ZNF583: variants seen among roughly 807,000 people sequenced by gnomAD.
ZNF583 encodes zinc finger protein 583.
In ZNF583, 30 loss-of-function variants were observed where a neutral mutation model predicts 55.3. The observed-to-expected ratio is 0.54, with a 90% CI of 0.41 to 0.74. The LOEUF is 0.74. ZNF583 is among the 30% of genes least tolerant of loss of function. ZNF583 has a pLI of 0.00. For synonymous variants in ZNF583, 208 were observed against 220.0 expected (o/e 0.95, Z 0.48); for missense variants, 504 against 664.7 (o/e 0.76, Z 2.66).
chr19:56,423,276 T>C lies in ZNF583; in HGVS notation c.618T>C (p.Tyr206=), dbSNP rs928799137. 6.2e-7 allele frequency: 1 copy of C among 1,609,304 alleles called. No individual in the cohort carries two copies. The highest frequency in any genetic ancestry group is 1.3e-5 in the African/African-American group (1 of 74,330). ...TTGAAATGAAACATAGGAAAGTCTATGTAGAAAAGAAACTTTTGAAATGTA... is the reference window on the plus strand; with the variant it reads ...TTGAAATGAAACATAGGAAAGTCTACGTAGAAAAGAAACTTTTGAAATGTA... ...KSVEMKHRKV[Y]VEKKLLKCND... is the part of the protein sequence containing the mutation. The change falls in exon 5 of 5, where the codon TAT becomes TAC. Residue 206 remains tyrosine (Y), a synonymous_variant. Transcript: ENST00000333201.
chr19:56,406,889 T>C (rs2042162513), intron 1 of ZNF583, 137 bp from the exon 2 acceptor site: 1 of 496,872 alleles, frequency 2.0e-6, no homozygotes, highest in Middle Eastern at 5.2e-4. Flanking sequence ...TAGATATAAA[T>C]GAATTGCTCA....
intron 2 of ZNF583, among the ~76,000 whole-genome samples, chr19:56,412,264 A>G (rs898130331): frequency 2.6e-5 from 4 of 152,248 alleles, no homozygotes; most frequent in African/African-American, 9.6e-5. Context: ...GCTCTGTGAC[A>G]TGTCAAAACC....
In ZNF583 at chr19:56,423,630, C is replaced by T. The variant is rs761741795; in HGVS notation, c.972C>T (p.Phe324=). The change falls in exon 5 of 5, where the codon TTC becomes TTT. Residue 324 remains phenylalanine (F), a synonymous_variant. Transcript: ENST00000333201. The part of the protein sequence containing the change: ...HQRVHTGERP[F]ECIECGKAFS... ...GAGTTCATACTGGAGAGAGACCTTTCGAATGTATTGAATGTGGAAAGGCCT... is the reference window on the plus strand; with the variant it reads ...GAGTTCATACTGGAGAGAGACCTTTTGAATGTATTGAATGTGGAAAGGCCT... 3.5e-5 allele frequency: 56 copies of T among 1,612,210 alleles called. 2 individuals carry two copies. Among genetic ancestry groups the T allele is most frequent in the South Asian group, 2.3e-4 (21 of 90,958 alleles).
In ZNF583 at chr19:56,424,876, A is replaced by C. The variant is rs2147620896; in HGVS notation, c.*508A>C. 6.5e-6 allele frequency: 1 copy of C among 154,504 alleles called. No homozygotes were observed. Among genetic ancestry groups the C allele is most frequent in the South Asian group, 2.0e-4 (1 of 4,944 alleles). 9.6% of individuals were successfully genotyped at this position (154,504 alleles called of 1,614,324 possible). On this transcript the variant is annotated 3_prime_UTR_variant, in exon 5 of 5. Coordinates refer to ENST00000333201, the MANE Select transcript of ZNF583 (RefSeq NM_152478.3). Reference sequence around the variant, plus strand: ...TGGTTCTACCTCAGAAGTTAATAGAAGAATGAAATAATGCATGTAAATTGC... The same window carrying C: ...TGGTTCTACCTCAGAAGTTAATAGACGAATGAAATAATGCATGTAAATTGC...
chr19:56,404,345 C>G lies in ZNF583; in HGVS notation c.-197C>G, dbSNP rs1050432707. On this transcript the variant is annotated 5_prime_UTR_variant, in exon 1 of 5. Coordinates refer to ENST00000333201, the MANE Select transcript of ZNF583 (RefSeq NM_152478.3). The surrounding 1 kb of genome is among the most constrained non-coding windows in gnomAD (Gnocchi z 5.2). ...GCGGCCTGCCCTAGGGCTGCGGCGC[C>G]TTTGTGAGCGCGGCCGCCGGCCAGG... is the stretch of plus-strand genomic sequence containing the variant. 6.6e-6 allele frequency: 1 copy of G among 152,514 alleles called. No individual in the cohort carries two copies. The highest frequency in any genetic ancestry group is 1.9e-4 in the East Asian group (1 of 5,172). The allele number at this position is 152,514 out of a possible 1,614,324, so 9.4% of individuals were successfully genotyped here. A position where few individuals can be genotyped will look rare whatever the true frequency, so the allele number is the denominator to read the frequency against.
At position 56,426,302 on chromosome 19, in the gene ZNF583, T is replaced by A. The variant is rs2042492003; in HGVS notation, c.*1934T>A. The A allele has an allele frequency of 3.3e-5, 5 of 152,176 alleles. 1 individual carries two copies. In the South Asian group the frequency reaches 8.3e-4, roughly 25 times the overall value. 9.4% of individuals were successfully genotyped at this position (152,176 alleles called of 1,614,324 possible). ...TCCATATGTGAAAGTTACTTTCAAG[T>A]GCTTTATCTAAATGTGGAACAAACA... On this transcript the variant is annotated 3_prime_UTR_variant, in exon 5 of 5. Coordinates refer to ENST00000333201, the MANE Select transcript of ZNF583 (RefSeq NM_152478.3).
intron 4 of ZNF583, among the ~76,000 whole-genome samples, chr19:56,420,160 A>C (rs1486157785): frequency 6.6e-6 from 1 of 152,130 alleles, no homozygotes; most frequent in Non-Finnish European, 1.5e-5. Flanking sequence ...GATATTTTCT[A>C]ATTTCTCTTG....
At chr19:56,416,919 AG>A (rs1351869931) in intron 4 of ZNF583, among the ~76,000 whole-genome samples, 9 of 152,164 alleles carry the variant, frequency 5.9e-5, no homozygotes, top group Non-Finnish European at 1.3e-4. Context: ...CTCCACTCCC[AG>A]TTCCAAACAA....
At chr19:56,421,451 G>GC in intron 4 of ZNF583, 1 of 985,198 alleles carries the variant, frequency 1.0e-6, no homozygotes, top group Non-Finnish European at 1.2e-6. Context: ...GGTGTGATTT[G>GC]CAACTGTTTA....
At chr19:56,408,464 C>T (rs747497767) in intron 2 of ZNF583, among the ~76,000 whole-genome samples, 37 of 152,050 alleles carry the variant, frequency 2.4e-4, no homozygotes, top group Non-Finnish European at 4.7e-4. Context: ...TAAATTTAGC[C>T]GTATGTAGCT....
intron 2 of ZNF583, among the ~76,000 whole-genome samples, chr19:56,408,409 T>TATAC (rs1356699224): frequency 6.6e-6 from 1 of 152,192 alleles, no homozygotes; most frequent in East Asian, 1.9e-4. Flanking sequence ...AAGACTTGTA[T>TATAC]ATACTAGCAT....
Position 56,414,044 on chromosome 19 carries a change from G to A in ZNF583, c.95G>A (p.Arg32Lys). ...WLNPAQRNLY[R>K]KVMLENYRSL... ...AACCCTGCTCAGAGGAATTTGTACA[G>A]GAAAGTGATGTTGGAGAACTACAGG... Residue 32 changes from arginine (R) to lysine (K), a missense_variant, in exon 3 of 5, where the codon AGG (arginine) becomes AAG (lysine). Physicochemically the swap from Arg to Lys is conservative, Grantham distance 26. Around this residue, in one of 3 missense-constraint regions of ZNF583, gnomAD observed 204 missense variants for 235.2 expected, o/e 0.87. Transcript: ENST00000333201. 1 of 1,608,038 alleles carries A rather than the reference G, an allele frequency of 6.2e-7. No homozygotes were observed. The highest frequency in any genetic ancestry group is 8.5e-7 in the Non-Finnish European group (1 of 1,177,670).
In ZNF583 at chr19:56,422,999, A is replaced by G. The variant is rs1440246809; in HGVS notation, c.341A>G (p.Asp114Gly). 1 of 1,613,912 alleles carries G rather than the reference A, an allele frequency of 6.2e-7. No homozygotes were observed. Among genetic ancestry groups the G allele is most frequent in the Non-Finnish European group, 8.5e-7 (1 of 1,179,938 alleles). ...GCAAGACATCTTAGTTATAGCCTTG[A>G]CTATCCCAGTTTGAGAGAAGACTGT... ...VGARHLSYSL[D>G]YPSLREDCQS... Residue 114 changes from aspartate (D) to glycine (G), a missense_variant, in exon 5 of 5, where the codon GAC becomes GGC. This residue lies in a region of ZNF583 where 204 missense variants were observed against 235.2 expected (regional missense o/e 0.87). Coordinates refer to ENST00000333201, the MANE Select transcript of ZNF583 (RefSeq NM_152478.3).
At chr19:56,417,083 T>A (rs558624655) in intron 4 of ZNF583, among the ~76,000 whole-genome samples, 2 of 152,360 alleles carry the variant, frequency 1.3e-5, no homozygotes, top group African/African-American at 4.8e-5. Context: ...ATTTCATTTA[T>A]CCATTCACCT....
rs533024410 is a variant in ZNF583 at position 56,414,322 on chromosome 19, C to T, written c.137-23C>T. On this transcript the variant is annotated intron_variant, in intron 3 of 4. Transcript: ENST00000333201. ...ATCTTATTTATAGACCTGCCTAATT[C>T]CCCTTTTGTTTTTTGTAAGCAGGAG... 1.9e-6 allele frequency: 3 copies of T among 1,610,960 alleles called. No individual in the cohort carries two copies. The African/African-American group carries it at 4.0e-5, about 21-fold the overall frequency.
rs1243718284 is a variant in ZNF583, at chr19:56,423,245, A to C, written c.587A>C (p.Lys196Thr). 6.2e-7 allele frequency: 1 copy of C among 1,611,456 alleles called. No individual in the cohort carries two copies. The highest frequency in any genetic ancestry group is 8.5e-7 in the Non-Finnish European group (1 of 1,179,492). Residue 196 changes from lysine (K) to threonine (T), a missense_variant, in exon 5 of 5, where the codon AAA becomes ACA. By Grantham distance (78) the Lys-to-Thr change is moderately conservative. Coordinates refer to ENST00000333201, the MANE Select transcript of ZNF583 (RefSeq NM_152478.3). Reference protein sequence around the residue: ...HEPQKKSYRKKSVEMKHRKVY... With the variant: ...HEPQKKSYRKTSVEMKHRKVY... ...CCACAAAAGAAAAGTTACCGAAAAA[A>C]ATCTGTTGAAATGAAACATAGGAAA... is the stretch of plus-strand genomic sequence containing the variant.
At chr19:56,409,323 A>G (rs2147559082) in intron 2 of ZNF583, among the ~76,000 whole-genome samples, 1 of 152,246 alleles carries the variant, frequency 6.6e-6, no homozygotes, top group East Asian at 1.9e-4. Context: ...AGAGTTAGCC[A>G]CCTCTTCTTT....
At chr19:56,414,183 C>T in intron 3 of ZNF583, 98 bp downstream of exon 3, 2 of 1,527,570 alleles carry the variant, frequency 1.3e-6, no homozygotes, top group Non-Finnish European at 1.8e-6. Context: ...ATTTCCTTTT[C>T]TTGTGCTTCC....
chr19:56,413,055 T>C (rs1407126393), intron 2 of ZNF583, among the ~76,000 whole-genome samples: 1 of 152,214 alleles, frequency 6.6e-6, no homozygotes, highest in Non-Finnish European at 1.5e-5. Flanking sequence ...ATACCTTTTG[T>C]GACACCAAGC....
Sources: gnomAD v4.1 joint callset for allele counts (sites outside exome capture counted in the v4.1 genomes callset) on GRCh38, gnomAD v4.1.1 for gene constraint, gnomAD v4.1.1 regional missense constraint, Gnocchi (gnomAD v3.1) non-coding constraint, MANE v1.5 for transcripts, NCBI Gene and HGNC (gene_info 2026-07-23, HGNC 2026-07-21) for gene names.